The following PRKX variants were observed in gnomAD, a reference collection of about 807,000 sequenced individuals.
PRKX encodes protein kinase cAMP-dependent X-linked catalytic subunit.
PRKX carries 12 observed loss-of-function variants against 22.0 expected under a neutral mutation model. The ratio of observed to expected loss-of-function variants is 0.54; its 90% CI spans 0.35 to 0.88. The LOEUF (loss-of-function observed/expected upper bound fraction) is 0.88. Among genes scored for constraint, PRKX ranks in the 40% least tolerant of loss-of-function variants. PRKX has a pLI of 0.01. For missense variants in PRKX, 217 were observed against 308.0 expected (o/e 0.70, Z 2.21); for synonymous variants, 134 against 137.7 (o/e 0.97, Z 0.19).
At chrX:3,678,068 G>C (rs1261825615) in intron 1 of PRKX, among the ~76,000 whole-genome samples, 1 of 111,734 alleles carries the variant, frequency 8.9e-6, no homozygotes, top group African/African-American at 3.3e-5. Context: ...TACAGTTTAG[G>C]TGTTTGACTA....
At chrX:3,638,685 T>C (rs1658816898) in intron 4 of PRKX, among the ~76,000 whole-genome samples, 1 of 111,330 alleles carries the variant, frequency 9.0e-6, no homozygotes, top group Admixed American at 9.6e-5. Context: ...AGGTAGATTA[T>C]TGATAGCTAG....
chrX:3,612,370 G>A (rs770212595), intron 7 of PRKX, 45 bp from the exon 8 acceptor site: 23 of 1,172,546 alleles, frequency 2.0e-5, no homozygotes, highest in Admixed American at 4.8e-5. Context: ...AGAAAGGGAC[G>A]GGACACTTGG....
chrX:3,630,361 C>A, intron 4 of PRKX, among the ~76,000 whole-genome samples: 2 of 111,267 alleles, frequency 1.8e-5, no homozygotes, highest in Non-Finnish European at 3.8e-5. Context: ...GAGATCGAGA[C>A]CATCCTGGCT....
At chrX:3,644,555 A>G (rs1246516394) in intron 3 of PRKX, among the ~76,000 whole-genome samples, 6 of 110,948 alleles carry the variant, frequency 5.4e-5, no homozygotes, top group Non-Finnish European at 1.1e-4. Context: ...TAAGTATGGA[A>G]CAGGGACCAC....
At chrX:3,701,292 G>T (rs1030225051) in intron 1 of PRKX, among the ~76,000 whole-genome samples, 1 of 111,066 alleles carries the variant, frequency 9.0e-6, no homozygotes, top group Non-Finnish European at 1.9e-5. Context: ...TTTTTGTAAA[G>T]ACAAGGTCTC....
chrX:3,709,287 C>T (rs1603474998), intron 1 of PRKX, among the ~76,000 whole-genome samples: 1 of 109,988 alleles, frequency 9.1e-6, no homozygotes, highest in South Asian at 3.9e-4. Context: ...GATATGAAGA[C>T]GTCACCATGG....
chrX:3,695,079 T>C (rs994464409), intron 1 of PRKX, among the ~76,000 whole-genome samples: 1 of 111,308 alleles, frequency 9.0e-6, no homozygotes, highest in Non-Finnish European at 1.9e-5. Context: ...TTGGGAAAAA[T>C]GGACCCTCCA....
intron 4 of PRKX, among the ~76,000 whole-genome samples, chrX:3,635,875 A>G (rs6641813): frequency 0.46 from 50,517 of 110,708 alleles, 8,960 homozygotes; most frequent in East Asian, 0.63. Context: ...ACAGGCATGA[A>G]CCACCACGTC....
intron 1 of PRKX, among the ~76,000 whole-genome samples, chrX:3,675,099 C>T (rs1444038694): frequency 9.0e-6 from 1 of 111,648 alleles, no homozygotes; most frequent in Non-Finnish European, 1.9e-5. Flanking sequence ...CACACCCACA[C>T]GCCCCACACA....
chrX:3,652,660 T>C (rs1211218076), intron 3 of PRKX, among the ~76,000 whole-genome samples: 1 of 111,995 alleles, frequency 8.9e-6, no homozygotes, highest in African/African-American at 3.2e-5. Flanking sequence ...CGGAAACATA[T>C]CTATATATAC....
chrX:3,705,508 C>A lies in PRKX; in HGVS notation c.166+7580G>T, dbSNP rs138673221. Among the ~76,000 whole-genome samples the A allele has an allele frequency of 3.4e-3, 376 of 111,017 alleles. 1 individual carries two copies. Among genetic ancestry groups the A allele is most frequent in the African/African-American group, 0.011 (347 of 30,514 alleles). On this transcript the variant is annotated intron_variant, in intron 1 of 8. Coordinates refer to ENST00000262848, the MANE Select transcript of PRKX (RefSeq NM_005044.5). ...CGGGGAGGCCACCTGGAGAAACAGG[C>A]AGAGGGAACCCGTCACACAGAAACA...
intron 1 of PRKX, among the ~76,000 whole-genome samples, chrX:3,687,222 G>C (rs1476029971): frequency 1.8e-5 from 2 of 110,154 alleles, no homozygotes; most frequent in African/African-American, 6.6e-5. Flanking sequence ...CACCCAGGCT[G>C]GTCTCAAAGT....
intron 3 of PRKX, among the ~76,000 whole-genome samples, chrX:3,649,344 A>G (rs1318301495): frequency 9.3e-6 from 1 of 107,837 alleles, no homozygotes; most frequent in Non-Finnish European, 1.9e-5. Flanking sequence ...ATTTCATAAA[A>G]CCAGAAATAA....
At chrX:3,691,559 C>T (rs1241528830) in intron 1 of PRKX, among the ~76,000 whole-genome samples, 2 of 110,631 alleles carry the variant, frequency 1.8e-5, no homozygotes, top group Non-Finnish European at 3.8e-5. Context: ...CCCCGAATTA[C>T]CCTTGAGATC....
At chrX:3,641,629 G>C (rs1434503940) in intron 4 of PRKX, 1 of 161,574 alleles carries the variant, frequency 6.2e-6, no homozygotes, top group Non-Finnish European at 1.1e-5. Flanking sequence ...TGCATGGGTG[G>C]TTCCTTCACA....
intron 8 of PRKX, among the ~76,000 whole-genome samples, chrX:3,610,166 A>C (rs1926263442): frequency 8.9e-6 from 1 of 112,026 alleles, no homozygotes; most frequent in African/African-American, 3.2e-5. Context: ...TTACTTGATA[A>C]AATTACTAAG....
chrX:3,633,582 G>GA (rs1485841184), intron 4 of PRKX, among the ~76,000 whole-genome samples: 39 of 111,035 alleles, frequency 3.5e-4, no homozygotes, highest in African/African-American at 1.2e-3. Context: ...AAAGAAAAAT[G>GA]AAAAAAATTT....
chrX:3,635,665 G>A (rs1926872838), intron 4 of PRKX, among the ~76,000 whole-genome samples: 2 of 111,162 alleles, frequency 1.8e-5, no homozygotes, highest in African/African-American at 6.6e-5. Context: ...TCAGCTCACT[G>A]CAGCCTCGAC....
At chrX:3,644,949 T>C (rs929766926) in intron 3 of PRKX, among the ~76,000 whole-genome samples, 3 of 111,107 alleles carry the variant, frequency 2.7e-5, no homozygotes, top group Non-Finnish European at 5.7e-5. Context: ...ACACCTGAGG[T>C]TGTATGAGGC....
Sources: allele counts gnomAD v4.1 joint callset (sites outside exome capture counted in the v4.1 genomes callset), GRCh38; gene constraint gnomAD v4.1.1; transcripts MANE v1.5; gene names NCBI Gene and HGNC (gene_info 2026-07-23, HGNC 2026-07-21).